The following CALCRL variants were observed in gnomAD, a reference collection of about 807,000 sequenced individuals.
CALCRL encodes the protein calcitonin receptor like receptor.
Under a neutral mutation model 60.4 loss-of-function variants are expected in CALCRL, and 27 were observed. The observed-to-expected ratio is 0.45, with a 90% CI of 0.33 to 0.62. The LOEUF (loss-of-function observed/expected upper bound fraction) is 0.62. Ranked by LOEUF, CALCRL falls within the 20% of genes least tolerant of loss-of-function variation. The pLI is 0.03. For synonymous variants in CALCRL, 190 were observed against 182.6 expected (o/e 1.04, Z -0.33); for missense variants, 424 against 540.7 (o/e 0.78, Z 2.14).
chr2:187,380,385 A>G (rs1687934764), intron 7 of CALCRL, 82 bp downstream of exon 7: 5 of 735,606 alleles, frequency 6.8e-6, no homozygotes, highest in Non-Finnish European at 7.1e-6. Flanking sequence ...TAATGACTTT[A>G]TTTTCTTTAA....
chr2:187,441,389 GAC>G (rs201981284), intron 1 of CALCRL, among the ~76,000 whole-genome samples: 1,928 of 152,082 alleles, frequency 0.013, 49 homozygotes, highest in African/African-American at 0.044. Context: ...TTGATCTTGT[GAC>G]AAGATGAAAA....
chr2:187,351,514 A>G (rs1458948887), intron 14 of CALCRL, among the ~76,000 whole-genome samples: 3 of 151,768 alleles, frequency 2.0e-5, no homozygotes, highest in Non-Finnish European at 4.4e-5. Context: ...CATAGGCTAC[A>G]TTGTAAGACA....
intron 1 of CALCRL, among the ~76,000 whole-genome samples, chr2:187,444,019 T>C (rs1459363969): frequency 6.6e-6 from 1 of 151,654 alleles, no homozygotes; most frequent in East Asian, 1.9e-4. Context: ...CTCACGAATA[T>C]GCTATTGATC....
At chr2:187,428,127 C>T (rs1272732881) in intron 1 of CALCRL, among the ~76,000 whole-genome samples, 1 of 152,028 alleles carries the variant, frequency 6.6e-6, no homozygotes, top group Non-Finnish European at 1.5e-5. Context: ...TGAGGGATTC[C>T]ACCATTTTAC....
intron 1 of CALCRL, among the ~76,000 whole-genome samples, chr2:187,426,135 T>G (rs1232231093): frequency 2.6e-5 from 4 of 151,208 alleles, no homozygotes; most frequent in Admixed American, 6.6e-5. Flanking sequence ...AAAAAAGGAA[T>G]AAAGGTAGCA....
At position 187,346,199 on chromosome 2, in the gene CALCRL, T is replaced by C; in HGVS notation, c.1371A>G (p.Glu457=). The C allele has an allele frequency of 6.3e-7, 1 of 1,599,694 alleles. No homozygotes were observed. Among genetic ancestry groups the C allele is most frequent in the Non-Finnish European group, 8.6e-7 (1 of 1,169,224 alleles). ...HDIENVLLKP[E]NLYN ...CCTTCTATTTTCAATTATATAAATT[T>C]TCTGGTTTTAAGAGAACATTTTCAA... The change falls in exon 15 of 15, where the codon GAA becomes GAG. Residue 457 remains glutamate (E), a synonymous_variant. Coordinates refer to ENST00000392370, the MANE Select transcript of CALCRL (RefSeq NM_005795.6).
intron 10 of CALCRL, 94 bp from the exon 11 acceptor site, chr2:187,359,366 T>A: frequency 1.1e-6 from 1 of 871,152 alleles, no homozygotes; most frequent in African/African-American, 1.7e-5. Context: ...TCAAAGATAC[T>A]CTAGGAGCAA....
At chr2:187,357,453 T>C (rs1686844825) in intron 12 of CALCRL, among the ~76,000 whole-genome samples, 1 of 120,426 alleles carries the variant, frequency 8.3e-6, no homozygotes, top group Non-Finnish European at 1.6e-5. Flanking sequence ...AGTTGAACAA[T>C]GAGAAAATAT....
chr2:187,360,200 T>G (rs922803565), intron 10 of CALCRL, among the ~76,000 whole-genome samples: 2 of 152,214 alleles, frequency 1.3e-5, no homozygotes, highest in South Asian at 4.1e-4. Flanking sequence ...TAAACAAATA[T>G]TTTTAGAATG....
Position 187,432,876 on chromosome 2 carries a change from C to T in CALCRL, c.-293+15163G>A, listed in dbSNP as rs182322345. Among the ~76,000 whole-genome samples, 312 of 152,092 alleles carry T rather than the reference C, an allele frequency of 2.1e-3. 3 individuals carry two copies. The highest frequency in any genetic ancestry group is 6.9e-3 in the African/African-American group (286 of 41,522). ...GTGTGTTTAAATACACAAAGACTTA[C>T]GAGTGTGTTACAGTTGCCTAAAATA... On this transcript the variant is annotated intron_variant, in intron 1 of 14. Coordinates refer to ENST00000392370, the MANE Select transcript of CALCRL (RefSeq NM_005795.6).
intron 7 of CALCRL, among the ~76,000 whole-genome samples, chr2:187,380,234 T>C (rs544868628): frequency 6.6e-6 from 1 of 152,328 alleles, no homozygotes; most frequent in Non-Finnish European, 1.5e-5. Context: ...TACTGAAACA[T>C]TGACTTGTAA....
chr2:187,372,433 C>T (rs1307958367), intron 8 of CALCRL, among the ~76,000 whole-genome samples: 1 of 151,960 alleles, frequency 6.6e-6, no homozygotes, highest in Non-Finnish European at 1.5e-5. Flanking sequence ...TCTCTTTTCC[C>T]CTCCCTCTCT....
At chr2:187,378,034 G>A (rs944811425) in intron 8 of CALCRL, among the ~76,000 whole-genome samples, 1 of 151,124 alleles carries the variant, frequency 6.6e-6, no homozygotes, top group Non-Finnish European at 1.5e-5. Context: ...AGAAGAGGAG[G>A]AGGAGGAGGA....
chr2:187,445,318 T>C (rs759008101), intron 1 of CALCRL, among the ~76,000 whole-genome samples: 12 of 151,640 alleles, frequency 7.9e-5, no homozygotes, highest in Admixed American at 1.3e-4. Flanking sequence ...TTTTAAATAC[T>C]ATTTCTTGAA....
chr2:187,376,404 G>A (rs980218626), intron 8 of CALCRL, among the ~76,000 whole-genome samples: 2 of 152,046 alleles, frequency 1.3e-5, no homozygotes, highest in African/African-American at 4.8e-5. Flanking sequence ...GCCCGGATCA[G>A]TTGATATTTT....
chr2:187,431,746 CTTATA>C (rs1342472715), intron 1 of CALCRL, among the ~76,000 whole-genome samples: 4 of 121,262 alleles, frequency 3.3e-5, no homozygotes, highest in East Asian at 4.7e-4. Flanking sequence ...TCTCATGGAG[CTTATA>C]TTATAAGGAG....
intron 14 of CALCRL, among the ~76,000 whole-genome samples, chr2:187,351,371 G>A (rs2105695980): frequency 6.6e-6 from 1 of 151,728 alleles, no homozygotes; most frequent in Non-Finnish European, 1.5e-5. Flanking sequence ...AAATCTAGAA[G>A]TACTGAAGAG....
At chr2:187,352,084 C>T in intron 13 of CALCRL, 30 bp downstream of exon 13, 3 of 1,598,008 alleles carry the variant, frequency 1.9e-6, no homozygotes, top group Non-Finnish European at 8.6e-7. Flanking sequence ...CCAAACTTCT[C>T]AAGCTGCCTT....
intron 1 of CALCRL, among the ~76,000 whole-genome samples, chr2:187,406,863 A>G (rs1199369663): frequency 6.6e-6 from 1 of 152,088 alleles, no homozygotes; most frequent in Non-Finnish European, 1.5e-5. Context: ...TTTTAGATGT[A>G]TGCAGAACAG....
Sources: gnomAD v4.1 joint callset for allele counts (sites outside exome capture counted in the v4.1 genomes callset) on GRCh38, gnomAD v4.1.1 for gene constraint, MANE v1.5 for transcripts, NCBI Gene and HGNC (gene_info 2026-07-23, HGNC 2026-07-21) for gene names.